Variants in MID1 observed in about 807,000 individuals in gnomAD.
The protein encoded by MID1 is midline 1.
Under a neutral mutation model 40.4 loss-of-function variants are expected in MID1, and 7 were observed. The observed-to-expected ratio is 0.17, with a 90% CI of 0.10 to 0.33. The LOEUF (loss-of-function observed/expected upper bound fraction) is 0.33, where lower values mean the gene tolerates loss of function less well. Among genes scored for constraint, MID1 ranks in the 10% least tolerant of loss-of-function variants. MID1 has a pLI of 1.00. For synonymous variants in MID1, 229 were observed against 221.2 expected, an observed-to-expected ratio of 1.04 and a Z score of -0.31; for missense variants, 367 against 558.5, an observed-to-expected ratio of 0.66 and a Z score of 3.46.
chrX:10,632,236 T>C (rs1936060400), intron 1 of MID1, among the ~76,000 whole-genome samples: 2 of 111,750 alleles, frequency 1.8e-5, no homozygotes, highest in African/African-American at 6.5e-5. Flanking sequence ...CTAACCCTCA[T>C]ATGTCTAAAA....
intron 1 of MID1, among the ~76,000 whole-genome samples, chrX:10,574,019 G>C (rs748940524): frequency 1.8e-5 from 2 of 111,498 alleles, no homozygotes; most frequent in Non-Finnish European, 3.8e-5. Context: ...TCCCTCTTTG[G>C]GGGAGGCACA....
chrX:10,568,817 T>C (rs1319547374), intron 1 of MID1, among the ~76,000 whole-genome samples: 3 of 112,089 alleles, frequency 2.7e-5, no homozygotes, highest in Non-Finnish European at 5.6e-5. Flanking sequence ...AGAGGCCTCA[T>C]GCTCATTAGC....
chrX:10,722,254 C>T (rs147181060), intron 1 of MID1, among the ~76,000 whole-genome samples: 1,465 of 111,886 alleles, frequency 0.013, 10 homozygotes, highest in Non-Finnish European at 0.019. Flanking sequence ...CCTTATTCTA[C>T]TGGTGTGCAT....
Position 10,469,708 on chromosome X carries a change from G to T in MID1, c.1274C>A (p.Ala425Asp). ...CATGAGATACTCACTAACGACGTTG[G>T]CTTGTCCGGTGAATATGGTGTACTG... ...ELQYTIFTGQ[A>D]NVVSLCNSAD... The change falls in exon 7 of 10, where the codon GCC (alanine) becomes GAC (aspartate). Residue 425 changes from alanine to aspartate, a missense_variant. Ala to Asp is a moderately radical substitution (Grantham distance 126, BLOSUM62 -2). This residue lies in a region of MID1 where 275 missense variants were observed against 383.1 expected (regional missense o/e 0.72). Coordinates refer to ENST00000317552, the MANE Select transcript of MID1 (RefSeq NM_000381.4). The T allele has an allele frequency of 8.3e-7, 1 of 1,211,592 alleles. No individual in the cohort carries two copies. Among genetic ancestry groups the T allele is most frequent in the Non-Finnish European group, 1.1e-6 (1 of 895,322 alleles).
At position 10,483,573 on chromosome X, in the gene MID1, C is replaced by G. The variant is rs895524231; in HGVS notation, c.865-945G>C. ...GGAATTGCTGTGTGCCTACTGCCCC[C>G]AACCACACACCCAGGGACAGGTTTC... On this transcript the variant is annotated intron_variant, in intron 4 of 9. Coordinates refer to ENST00000317552, the MANE Select transcript of MID1 (RefSeq NM_000381.4). Among the ~76,000 whole-genome samples, 3 of 111,949 alleles carry G rather than the reference C, an allele frequency of 2.7e-5. No homozygotes were observed. The Admixed American group carries it at 2.8e-4, about 11-fold the overall frequency.
At chrX:10,538,275 G>A (rs1181029867) in intron 2 of MID1, among the ~76,000 whole-genome samples, 2 of 111,399 alleles carry the variant, frequency 1.8e-5, no homozygotes, top group Non-Finnish European at 3.8e-5. Context: ...GCCCGGCCTC[G>A]ATCTTTACAA....
At chrX:10,731,099 T>C (rs2043446162) in intron 1 of MID1, among the ~76,000 whole-genome samples, 1 of 111,754 alleles carries the variant, frequency 8.9e-6, no homozygotes. Context: ...ATGAAAAGAA[T>C]ATTTGTAATT....
rs1469035630 is a variant in MID1 at position 10,814,857 on chromosome X, G to A, written c.-187+18697C>T. On this transcript the variant is annotated intron_variant, in intron 1 of 10. Transcript: ENST00000380785. ...AATATTCCCCTGGAGATTCATCCAGGTTGTTGCATGTATCAGTAGTTAATT... is the reference window on the plus strand; with the variant it reads ...AATATTCCCCTGGAGATTCATCCAGATTGTTGCATGTATCAGTAGTTAATT... Among the ~76,000 whole-genome samples the A allele has an allele frequency of 9.9e-5, 11 of 111,657 alleles. No homozygotes were observed. In the Admixed American group the frequency reaches 1.0e-3, roughly 11 times the overall value.
chrX:10,586,424 C>T (rs1935144160), intron 1 of MID1, among the ~76,000 whole-genome samples: 1 of 111,564 alleles, frequency 9.0e-6, no homozygotes, highest in African/African-American at 3.3e-5. Flanking sequence ...AGCTCTCGGT[C>T]TACTGATGTT....
intron 1 of MID1, among the ~76,000 whole-genome samples, chrX:10,825,115 G>A (rs960525018): frequency 8.0e-5 from 9 of 111,934 alleles, no homozygotes; most frequent in East Asian, 2.8e-4. Context: ...CGCCCAAACC[G>A]TAGACATACA....
At chrX:10,675,415 G>T (rs1450717178) in intron 1 of MID1, among the ~76,000 whole-genome samples, 3 of 111,216 alleles carry the variant, frequency 2.7e-5, no homozygotes, top group Non-Finnish European at 5.7e-5. Flanking sequence ...GGTGCGCAGA[G>T]TTTTTAGGAA....
chrX:10,800,116 A>G (rs185148094), intron 1 of MID1, among the ~76,000 whole-genome samples: 43 of 111,589 alleles, frequency 3.9e-4, no homozygotes, highest in African/African-American at 1.2e-3. Flanking sequence ...CTTATAGGAC[A>G]TGGCAACATT....
chrX:10,457,519 C>T (rs938616845), intron 8 of MID1, among the ~76,000 whole-genome samples: 2 of 112,163 alleles, frequency 1.8e-5, no homozygotes, highest in African/African-American at 6.5e-5. Context: ...TTATTCAGGC[C>T]GTTGTTTACT....
At chrX:10,557,309 T>A (rs1934160534) in intron 2 of MID1, among the ~76,000 whole-genome samples, 1 of 112,111 alleles carries the variant, frequency 8.9e-6, no homozygotes, top group Non-Finnish European at 1.9e-5. Flanking sequence ...CCTACACCCA[T>A]GATGCTGGTT....
chrX:10,468,999 C>T (rs1405365472), intron 7 of MID1, among the ~76,000 whole-genome samples: 3 of 112,147 alleles, frequency 2.7e-5, no homozygotes, highest in Non-Finnish European at 5.6e-5. Flanking sequence ...GCCATTAACC[C>T]CAAGAACCCC....
At chrX:10,551,286 C>T (rs370624953) in intron 2 of MID1, among the ~76,000 whole-genome samples, 1 of 112,117 alleles carries the variant, frequency 8.9e-6, no homozygotes, top group African/African-American at 3.2e-5. Flanking sequence ...TCCACAGATA[C>T]GGAGGGCCGA....
At chrX:10,456,977 AAAG>A (rs903103575) in intron 8 of MID1, among the ~76,000 whole-genome samples, 1 of 112,462 alleles carries the variant, frequency 8.9e-6, no homozygotes, top group African/African-American at 3.2e-5. Flanking sequence ...TGACTTGTAA[AAAG>A]AAGTCCTTAG....
chrX:10,482,940 T>C (rs1463803268), intron 4 of MID1, among the ~76,000 whole-genome samples: 2 of 112,421 alleles, frequency 1.8e-5, no homozygotes, highest in Admixed American at 1.9e-4. Flanking sequence ...TTCCCTGGAC[T>C]ATTCCACACA....
upstream of MID1, among the ~76,000 whole-genome samples, chrX:10,625,437 T>C (rs954683130): frequency 1.1e-4 from 12 of 112,724 alleles, no homozygotes; most frequent in Non-Finnish European, 2.2e-4. Flanking sequence ...ACAAGGCCCA[T>C]GCCCAAACAT....
Sources: allele counts gnomAD v4.1 joint callset (sites outside exome capture counted in the v4.1 genomes callset), GRCh38; gene constraint gnomAD v4.1.1; regional missense constraint gnomAD v4.1.1; transcripts MANE v1.5; gene names NCBI Gene and HGNC (gene_info 2026-07-23, HGNC 2026-07-21).